MAX: variants seen among roughly 807,000 people sequenced by gnomAD.
The protein encoded by MAX is MYC associated transcriptional regulator X, also known as protein max.
A neutral mutation model predicts 22.3 loss-of-function variants in MAX; 3 were observed. The ratio of observed to expected loss-of-function variants is 0.13; its 90% CI spans 0.06 to 0.35. The LOEUF is 0.35. Ranked by LOEUF, MAX falls within the 10% of genes least tolerant of loss-of-function variation. The pLI is 1.00. For missense variants in MAX, 119 were observed against 209.4 expected (o/e 0.57, Z 2.66); for synonymous variants, 72 against 77.7 (o/e 0.93, Z 0.39).
At position 65,093,327 on chromosome 14, in the gene MAX, T is replaced by C. The variant is rs1046400376; in HGVS notation, c.171+381A>G. ...ACAATAAAGTATTAACTTTGAACCA[T>C]AGGAAAGGAATTCTCATGGAGGTCT... On this transcript the variant is annotated intron_variant, in intron 3 of 4. Coordinates refer to ENST00000358664, the MANE Select transcript of MAX (RefSeq NM_002382.5). The surrounding 1 kb of genome is among the most constrained non-coding windows in gnomAD (Gnocchi z 4.4). 2.6e-5 allele frequency among the ~76,000 whole-genome samples: 4 copies of C among 152,142 alleles called. No homozygotes were observed. Among genetic ancestry groups the C allele is most frequent in the Admixed American group, 1.3e-4 (2 of 15,286 alleles).
intron 3 of MAX, chr14:65,061,300 T>C: frequency 1.2e-6 from 2 of 1,613,894 alleles, no homozygotes; most frequent in Non-Finnish European, 1.7e-6. Flanking sequence ...CGGCAGAGCC[T>C]GCAACCGACT....
chr14:65,094,024 A>C (rs1349379095), intron 2 of MAX: 2 of 609,550 alleles, frequency 3.3e-6, no homozygotes, highest in East Asian at 5.7e-5. Flanking sequence ...CGACAGGAAC[A>C]TCCAAAGTAG....
chr14:65,090,390 A>G (rs2063469886), intron 3 of MAX: 1 of 152,252 alleles, frequency 6.6e-6, no homozygotes, highest in Non-Finnish European at 1.5e-5. Flanking sequence ...GAGCAACAGC[A>G]GTAATAACTA....
chr14:65,101,658 G>A (rs775682812), intron 1 of MAX, 86 bp from the exon 2 acceptor site: 3 of 1,079,468 alleles, frequency 2.8e-6, no homozygotes, highest in South Asian at 2.8e-5. Context: ...AAATGCCGGC[G>A]GCAGAGGAAG....
Position 65,011,932 on chromosome 14 carries a change from G to A in MAX, c.172-5648C>T, listed in dbSNP as rs1481719030. 2.6e-5 allele frequency among the ~76,000 whole-genome samples: 4 copies of A among 152,196 alleles called. No individual in the cohort carries two copies. Among genetic ancestry groups the A allele is most frequent in the Non-Finnish European group, 5.9e-5 (4 of 68,028 alleles). On this transcript the variant is annotated intron_variant, in intron 3 of 3. Coordinates refer to the MAX transcript ENST00000341653. The surrounding 1 kb of genome is among the most constrained non-coding windows in gnomAD (Gnocchi z 4.0). ...TGAGGCAGGGAAGTGGCGAGGCTCA[G>A]ATTTAAATTGCTTATAGGATGGGGA...
At position 65,062,557 on chromosome 14, in the gene MAX, A is replaced by G. The variant is rs1055766562; in HGVS notation, c.171+31151T>C. On this transcript the variant is annotated intron_variant, in intron 3 of 3. Transcript: ENST00000341653. This position sits in a 1 kb window ranked among gnomAD's most constrained non-coding sequence, Gnocchi z 4.3. ...CAGAGATGCAGCATGAGGCGCTTAG[A>G]AAAACCTGGCCATTTGCTGCCTCTA... 2 of 152,690 alleles carry G rather than the reference A, an allele frequency of 1.3e-5. No individual in the cohort carries two copies. Among genetic ancestry groups the G allele is most frequent in the Non-Finnish European group, 2.9e-5 (2 of 68,058 alleles). 9.5% of individuals were successfully genotyped at this position (152,690 alleles called of 1,614,324 possible). A position where few individuals can be genotyped will look rare whatever the true frequency, so the allele number is the denominator to read the frequency against.
intron 2 of MAX, among the ~76,000 whole-genome samples, chr14:65,097,828 G>C (rs1054903573): frequency 6.6e-6 from 1 of 152,138 alleles, no homozygotes; most frequent in Non-Finnish European, 1.5e-5. Context: ...ATAATAGGCA[G>C]GTAGGATGGG....
intron 3 of MAX, among the ~76,000 whole-genome samples, chr14:65,051,375 C>T (rs1021959262): frequency 6.6e-6 from 1 of 152,060 alleles, no homozygotes; most frequent in Non-Finnish European, 1.5e-5. Context: ...TTTGGGAGGC[C>T]AAAAGAGGGT....
In MAX at chr14:65,054,480, T is replaced by C; in HGVS notation, c.171+39228A>G. ...GCCACATGGAGGATGGGGGGGGACGTGTGATTGCACCAGTGGTCTCTGAAT... is the reference window on the plus strand; with the variant it reads ...GCCACATGGAGGATGGGGGGGGACGCGTGATTGCACCAGTGGTCTCTGAAT... On this transcript the variant is annotated intron_variant, in intron 3 of 3. Coordinates refer to the MAX transcript ENST00000341653. The surrounding 1 kb of genome is among the most constrained non-coding windows in gnomAD (Gnocchi z 4.4). 8.0e-7 allele frequency: 1 copy of C among 1,247,876 alleles called. No homozygotes were observed. The highest frequency in any genetic ancestry group is 2.6e-5 in the East Asian group (1 of 39,108). 77.3% of individuals were successfully genotyped at this position (1,247,876 alleles called of 1,614,324 possible). A position where few individuals can be genotyped will look rare whatever the true frequency, so the allele number is the denominator to read the frequency against.
intron 3 of MAX, among the ~76,000 whole-genome samples, chr14:65,048,828 G>A (rs1311893073): frequency 6.6e-6 from 1 of 151,936 alleles, no homozygotes; most frequent in Non-Finnish European, 1.5e-5. Context: ...TCCAGCCTGA[G>A]CGACAGAGCA....
At chr14:65,052,536 C>T (rs1566576647) in intron 3 of MAX, among the ~76,000 whole-genome samples, 1 of 152,184 alleles carries the variant, frequency 6.6e-6, no homozygotes, top group Non-Finnish European at 1.5e-5. Context: ...CCCTCCTTCC[C>T]ACTTGATAAC....
upstream of MAX, chr14:65,102,525 C>A (rs1167139143): frequency 4.1e-6 from 6 of 1,453,052 alleles, no homozygotes; most frequent in African/African-American, 8.4e-5. Context: ...ACTGCAGCAC[C>A]GGATCAACGG....
At chr14:65,041,010 A>G (rs1260861572) in intron 3 of MAX, 17 of 1,549,934 alleles carry the variant, frequency 1.1e-5, no homozygotes, top group East Asian at 2.3e-5. Flanking sequence ...GAGTTTGGCT[A>G]TGGGAAGGGC....
rs2061683345 is a variant in MAX, at chr14:65,011,496, T to C, written c.172-5212A>G. Among the ~76,000 whole-genome samples the C allele has an allele frequency of 6.6e-6, 1 of 151,856 alleles. No homozygotes were observed. Among genetic ancestry groups the C allele is most frequent in the African/African-American group, 2.4e-5 (1 of 41,250 alleles). On this transcript the variant is annotated intron_variant, in intron 3 of 3. Coordinates refer to the MAX transcript ENST00000341653. The surrounding 1 kb of genome is among the most constrained non-coding windows in gnomAD (Gnocchi z 4.0). ...ACTCTGAGCCAAGTACAGTGGGAAT[T>C]TGATAAACAATTGTGGAATTGACTA...
intron 2 of MAX, chr14:65,094,211 C>A (rs189218275): frequency 3.3e-6 from 1 of 302,312 alleles, no homozygotes; most frequent in African/African-American, 2.2e-5. Flanking sequence ...GATGTGATCA[C>A]CTCCACTGTA....
downstream of MAX, among the ~76,000 whole-genome samples, chr14:65,071,180 C>A (rs2139720626): frequency 6.6e-6 from 1 of 152,082 alleles, no homozygotes; most frequent in African/African-American, 2.4e-5. The surrounding 1 kb of genome is among the most constrained non-coding windows in gnomAD (Gnocchi z 4.2). Context: ...CTTGCTGTGT[C>A]ACCCAGGCTG....
rs1251966714 is a variant in MAX, at chr14:65,078,510, CTGTTGT to C, written c.172-480_172-475del. Among the ~76,000 whole-genome samples the C allele has an allele frequency of 5.3e-4, 79 of 148,314 alleles. No individual in the cohort carries two copies. The highest frequency in any genetic ancestry group is 5.9e-4 in the African/African-American group (24 of 40,476). ...ACAGGTGTGAGCCACTGCGCCCAGC[CTGTTGT>C]TGTTGTTGTTGTTGTTGTTTTTTTT... On this transcript the variant is annotated intron_variant, in intron 3 of 4. Transcript: ENST00000358664. This position sits in a 1 kb window ranked among gnomAD's most constrained non-coding sequence, Gnocchi z 6.4.
In MAX at chr14:65,075,595, T is replaced by A; in HGVS notation, c.*881A>T. The A allele has an allele frequency of 9.4e-7, 1 of 1,066,318 alleles. No homozygotes were observed. The highest frequency in any genetic ancestry group is 1.1e-6 in the Non-Finnish European group (1 of 879,672). The allele number at this position is 1,066,318 out of a possible 1,614,324, so 66.1% of individuals were successfully genotyped here. ...CTGTCGCTTTGCAAGACCGACATCATCAGAAATAGGTACAATTCACTCAGA... is the reference window on the plus strand; with the variant it reads ...CTGTCGCTTTGCAAGACCGACATCAACAGAAATAGGTACAATTCACTCAGA... On this transcript the variant is annotated 3_prime_UTR_variant, in exon 5 of 5. Coordinates refer to ENST00000358664, the MANE Select transcript of MAX (RefSeq NM_002382.5). The surrounding 1 kb of genome is among the most constrained non-coding windows in gnomAD (Gnocchi z 4.1).
chr14:65,068,209 T>C (rs940744772), intron 3 of MAX, among the ~76,000 whole-genome samples: 1 of 151,948 alleles, frequency 6.6e-6, no homozygotes, highest in African/African-American at 2.4e-5. Context: ...CTGAGGCAGG[T>C]GGATCACTTG....
Sources: gnomAD v4.1 joint callset for allele counts (sites outside exome capture counted in the v4.1 genomes callset) on GRCh38, gnomAD v4.1.1 for gene constraint, Gnocchi (gnomAD v3.1) non-coding constraint, MANE v1.5 for transcripts, NCBI Gene and HGNC (gene_info 2026-07-23, HGNC 2026-07-21) for gene names.